The following RAP1A variants were observed in gnomAD, a reference collection of about 807,000 sequenced individuals.
RAP1A encodes the protein RAP1A, member of RAS oncogene family, also known as ras-related protein Rap-1A.
Under a neutral mutation model 26.4 loss-of-function variants are expected in RAP1A, and 6 were observed. The observed-to-expected ratio is 0.23, with a 90% CI of 0.12 to 0.45. RAP1A has a LOEUF of 0.45. Ranked by LOEUF, RAP1A falls within the 20% of genes least tolerant of loss-of-function variation. The probability of loss-of-function intolerance (pLI) is 0.99; values close to 1 mark genes in which losing one functional copy is unlikely to be tolerated. For missense variants in RAP1A, 121 were observed against 217.2 expected (o/e 0.56, Z 2.78); for synonymous variants, 73 against 79.4 (o/e 0.92, Z 0.43).
intron 1 of RAP1A, among the ~76,000 whole-genome samples, chr1:111,543,493 A>C (rs1656921702): frequency 6.6e-6 from 1 of 152,150 alleles, no homozygotes; most frequent in African/African-American, 2.4e-5. Context: ...AAAACTCCCA[A>C]TGGAGAGTAT....
chr1:111,588,267 T>C (rs1270752243), intron 1 of RAP1A, among the ~76,000 whole-genome samples: 1 of 152,176 alleles, frequency 6.6e-6, no homozygotes, highest in East Asian at 1.9e-4. Flanking sequence ...ACTTCTACTG[T>C]TTCTACTTTA....
At chr1:111,686,572 TC>T (rs1294575082) in intron 1 of RAP1A, 3 of 150,994 alleles carry the variant, frequency 2.0e-5, no homozygotes, top group Non-Finnish European at 2.9e-5. Flanking sequence ...ATGTCTGTAG[TC>T]CCAGCTACTC....
At chr1:111,566,125 T>C (rs903292353) in intron 1 of RAP1A, among the ~76,000 whole-genome samples, 1 of 151,980 alleles carries the variant, frequency 6.6e-6, no homozygotes, top group Non-Finnish European at 1.5e-5. Context: ...TGAACTTCAT[T>C]GTGAGTATAA....
chr1:111,648,898 T>C (rs1356298330), intron 1 of RAP1A: 9 of 795,188 alleles, frequency 1.1e-5, no homozygotes, highest in African/African-American at 3.4e-5. Flanking sequence ...GAGCTGGCAA[T>C]CTGGGCTTGT....
At chr1:111,701,804 C>CT (rs1309999304) in intron 4 of RAP1A, among the ~76,000 whole-genome samples, 1 of 152,222 alleles carries the variant, frequency 6.6e-6, no homozygotes, top group Admixed American at 6.5e-5. Flanking sequence ...ATTTGTAGCA[C>CT]TTAACATTTG....
At chr1:111,573,298 T>C (rs1434012230) in intron 1 of RAP1A, among the ~76,000 whole-genome samples, 1 of 152,186 alleles carries the variant, frequency 6.6e-6, no homozygotes, top group African/African-American at 2.4e-5. Flanking sequence ...TTTTGGCTCT[T>C]TGAGGATCTG....
intron 1 of RAP1A, among the ~76,000 whole-genome samples, chr1:111,593,167 G>A (rs576826695): frequency 4.6e-5 from 7 of 152,308 alleles, no homozygotes; most frequent in Admixed American, 4.6e-4. Flanking sequence ...CTCAAGCTAA[G>A]CCCAGGCCCC....
chr1:111,592,233 CT>C (rs1391292563), intron 1 of RAP1A, among the ~76,000 whole-genome samples: 3 of 152,190 alleles, frequency 2.0e-5, no homozygotes, highest in Non-Finnish European at 2.9e-5. Flanking sequence ...GCATCACGTG[CT>C]GCACATTCTT....
chr1:111,581,561 C>A (rs1180837798), intron 1 of RAP1A, among the ~76,000 whole-genome samples: 1 of 152,198 alleles, frequency 6.6e-6, no homozygotes. Context: ...ACCAAGAATG[C>A]AAGTGATAGG....
chr1:111,651,649 T>A (rs1161418952), intron 1 of RAP1A, among the ~76,000 whole-genome samples: 6 of 150,878 alleles, frequency 4.0e-5, no homozygotes, highest in Admixed American at 1.3e-4. Flanking sequence ...GCTGATTTTT[T>A]AATTTTTAGT....
chr1:111,680,420 G>C (rs1661255275), intron 1 of RAP1A, among the ~76,000 whole-genome samples: 1 of 152,142 alleles, frequency 6.6e-6, no homozygotes, highest in Non-Finnish European at 1.5e-5. Flanking sequence ...GCTAGACACA[G>C]AGCTCTGATT....
At chr1:111,648,350 A>G in intron 1 of RAP1A, 1 of 694,090 alleles carries the variant, frequency 1.4e-6, no homozygotes, top group Non-Finnish European at 2.5e-6. Context: ...TATCTGGTGG[A>G]TGGTCGTCTT....
chr1:111,669,436 T>C (rs187576277), intron 1 of RAP1A, among the ~76,000 whole-genome samples: 2 of 152,340 alleles, frequency 1.3e-5, no homozygotes, highest in East Asian at 3.9e-4. Flanking sequence ...TTTCTTTATC[T>C]TTCTTCCTGC....
At position 111,716,527 on chromosome 1, in the gene RAP1A, TG is replaced by T. The variant is rs1662544956; in HGVS notation, c.*4129del. On this transcript the variant is annotated 3_prime_UTR_variant, in exon 8 of 8. Coordinates refer to ENST00000369709, the MANE Select transcript of RAP1A (RefSeq NM_002884.4). ...TTTGTAGACATTAATGAGCTTTAAA[TG>T]GGAATTGGGGATGATGTATGTTCGT... The T allele has an allele frequency of 6.6e-6, 1 of 152,186 alleles. No homozygotes were observed. Among genetic ancestry groups the T allele is most frequent in the African/African-American group, 2.4e-5 (1 of 41,442 alleles). The allele number at this position is 152,186 out of a possible 1,614,324, so 9.4% of individuals were successfully genotyped here. A position where few individuals can be genotyped will look rare whatever the true frequency, so the allele number is the denominator to read the frequency against.
intron 1 of RAP1A, among the ~76,000 whole-genome samples, chr1:111,663,910 TCTTC>T (rs111320238): frequency 0.28 from 42,493 of 151,790 alleles, 6,242 homozygotes; most frequent in East Asian, 0.35. Flanking sequence ...TCCTAACTGA[TCTTC>T]CTTCTCTAGT....
At chr1:111,582,435 A>AT (rs1171446459) in intron 1 of RAP1A, among the ~76,000 whole-genome samples, 2 of 152,070 alleles carry the variant, frequency 1.3e-5, no homozygotes, top group African/African-American at 2.4e-5. Context: ...CCAGTACTAT[A>AT]TTTTTCATAT....
intron 1 of RAP1A, among the ~76,000 whole-genome samples, chr1:111,554,774 G>T (rs757998504): frequency 5.3e-5 from 8 of 152,158 alleles, no homozygotes; most frequent in Non-Finnish European, 1.0e-4. Flanking sequence ...AAGTGATTCA[G>T]GTTGGTAGAC....
chr1:111,662,210 A>G (rs1660660468), intron 1 of RAP1A, among the ~76,000 whole-genome samples: 1 of 152,026 alleles, frequency 6.6e-6, no homozygotes, highest in Non-Finnish European at 1.5e-5. Flanking sequence ...CCTGGCTAAC[A>G]TGGTGAAACC....
intron 1 of RAP1A, among the ~76,000 whole-genome samples, chr1:111,574,363 T>C (rs1210740730): frequency 1.3e-5 from 2 of 152,250 alleles, no homozygotes; most frequent in Non-Finnish European, 2.9e-5. Context: ...ACTCTAGCTC[T>C]GCAGCATAGC....
Sources: allele counts gnomAD v4.1 joint callset (sites outside exome capture counted in the v4.1 genomes callset), GRCh38; gene constraint gnomAD v4.1.1; transcripts MANE v1.5; gene names NCBI Gene and HGNC (gene_info 2026-07-23, HGNC 2026-07-21).